NLGN1: variants seen among roughly 807,000 people sequenced by gnomAD.
NLGN1 encodes the protein neuroligin-1.
Under a neutral mutation model 65.5 loss-of-function variants are expected in NLGN1, and 12 were observed. The observed-to-expected ratio is 0.18, with a 90% CI of 0.12 to 0.30. The LOEUF (loss-of-function observed/expected upper bound fraction) is 0.30. Ranked by LOEUF, NLGN1 falls within the 10% of genes least tolerant of loss-of-function variation. The pLI, the probability that NLGN1 is intolerant of heterozygous loss-of-function variation, is 1.00. For missense variants in NLGN1, 750 were observed against 1,007.1 expected (o/e 0.74, Z 3.46); for synonymous variants, 350 against 359.5 (o/e 0.97, Z 0.30).
At chr3:173,860,307 T>G (rs1728810208) in intron 4 of NLGN1, among the ~76,000 whole-genome samples, 1 of 152,194 alleles carries the variant, frequency 6.6e-6, no homozygotes, top group Non-Finnish European at 1.5e-5. Context: ...TTGTGTCTTA[T>G]TTGACCCATA....
chr3:173,740,733 A>G (rs1275156268), intron 3 of NLGN1, among the ~76,000 whole-genome samples: 1 of 152,136 alleles, frequency 6.6e-6, no homozygotes, highest in Non-Finnish European at 1.5e-5. Context: ...ACCATAGTTT[A>G]TAGGCAAGGA....
intron 4 of NLGN1, among the ~76,000 whole-genome samples, chr3:174,259,882 T>C (rs1175212716): frequency 2.2e-5 from 3 of 138,128 alleles, no homozygotes; most frequent in African/African-American, 8.1e-5. Flanking sequence ...CCCCTTCCTG[T>C]GTCCATGTGA....
At chr3:173,675,868 G>GTCTCTCTCTCTCTCTCTCTC (rs10635715) in intron 3 of NLGN1, among the ~76,000 whole-genome samples, 1 of 132,558 alleles carries the variant, frequency 7.5e-6, no homozygotes, top group African/African-American at 2.9e-5. Flanking sequence ...CTCTCTCTTT[G>GTCTCTCTCTCTCTCTCTCTC]TCTCTCTCTC....
At chr3:173,835,411 T>C (rs1429984354) in intron 4 of NLGN1, among the ~76,000 whole-genome samples, 1 of 152,080 alleles carries the variant, frequency 6.6e-6, no homozygotes, top group African/African-American at 2.4e-5. Context: ...GGTGTGATCA[T>C]TGAAATTTGC....
intron 4 of NLGN1, among the ~76,000 whole-genome samples, chr3:174,148,835 G>A (rs1201726449): frequency 2.0e-5 from 3 of 152,132 alleles, no homozygotes; most frequent in Admixed American, 6.6e-5. Flanking sequence ...GTAAAGTAAA[G>A]CATTTATTAC....
chr3:174,165,204 T>C (rs1303765062), intron 4 of NLGN1, among the ~76,000 whole-genome samples: 2 of 152,050 alleles, frequency 1.3e-5, no homozygotes, highest in East Asian at 3.9e-4. Flanking sequence ...TTCTCTTGTC[T>C]GATTCCTCTG....
At chr3:173,491,147 G>A (rs982188532) in intron 2 of NLGN1, among the ~76,000 whole-genome samples, 9 of 151,846 alleles carry the variant, frequency 5.9e-5, no homozygotes, top group African/African-American at 1.7e-4. Flanking sequence ...TAGGAGTGGT[G>A]AGAGAGGGCA....
At chr3:174,183,322 T>C (rs2152749345) in intron 4 of NLGN1, among the ~76,000 whole-genome samples, 1 of 152,284 alleles carries the variant, frequency 6.6e-6, no homozygotes, top group Non-Finnish European at 1.5e-5. Flanking sequence ...TTATCTCTAC[T>C]GATTTCAGTA....
intron 1 of NLGN1, among the ~76,000 whole-genome samples, chr3:173,434,575 A>G (rs1220819715): frequency 6.6e-6 from 1 of 152,186 alleles, no homozygotes; most frequent in Non-Finnish European, 1.5e-5. Context: ...AGTTGGAGAC[A>G]ATTGCACTCT....
At position 174,175,294 on chromosome 3, in the gene NLGN1, C is replaced by T. The variant is rs539095601; in HGVS notation, c.647-100021C>T. 2.0e-5 allele frequency among the ~76,000 whole-genome samples: 3 copies of T among 151,828 alleles called. No homozygotes were observed. In the East Asian group the frequency reaches 5.8e-4, roughly 29 times the overall value. On this transcript the variant is annotated intron_variant, in intron 4 of 6. Transcript: ENST00000457714. ...CTCTCTTCAACTCTAATAATATTTG[C>T]TTTATATATCTGAGTGTTCCAGTGT...
chr3:173,864,746 G>C (rs897648441), intron 4 of NLGN1, among the ~76,000 whole-genome samples: 1 of 152,126 alleles, frequency 6.6e-6, no homozygotes, highest in East Asian at 1.9e-4. Context: ...GAAGGCAGGA[G>C]TCCCCTCCAT....
At chr3:174,223,043 G>C (rs900455535) in intron 4 of NLGN1, among the ~76,000 whole-genome samples, 1 of 152,002 alleles carries the variant, frequency 6.6e-6, no homozygotes, top group Admixed American at 6.5e-5. Flanking sequence ...TGCCACCAGA[G>C]AGGAGGTCAG....
At chr3:173,853,401 C>T (rs1727353920) in intron 4 of NLGN1, among the ~76,000 whole-genome samples, 1 of 152,084 alleles carries the variant, frequency 6.6e-6, no homozygotes, top group Non-Finnish European at 1.5e-5. Context: ...TTATTCAATG[C>T]TCCATTTTAT....
chr3:173,996,147 G>C (rs1288117685), intron 4 of NLGN1, among the ~76,000 whole-genome samples: 1 of 152,114 alleles, frequency 6.6e-6, no homozygotes, highest in Non-Finnish European at 1.5e-5. Context: ...ATTATGAATG[G>C]TGCCAGATAG....
chr3:174,266,584 T>A (rs759938681), intron 4 of NLGN1, among the ~76,000 whole-genome samples: 1 of 152,190 alleles, frequency 6.6e-6, no homozygotes, highest in Non-Finnish European at 1.5e-5. Context: ...GGTAGTGGGA[T>A]TGCTAGGTCA....
chr3:174,190,940 G>A (rs1035213350), intron 4 of NLGN1, among the ~76,000 whole-genome samples: 1 of 151,970 alleles, frequency 6.6e-6, no homozygotes, highest in Non-Finnish European at 1.5e-5. Flanking sequence ...ACTGGGGGCC[G>A]AGATCTCTTA....
chr3:173,645,846 C>A (rs1234147606), intron 3 of NLGN1, among the ~76,000 whole-genome samples: 1 of 152,164 alleles, frequency 6.6e-6, no homozygotes, highest in African/African-American at 2.4e-5. Flanking sequence ...TAATCCCAGC[C>A]CTGTGGCAAA....
chr3:174,256,936 C>G (rs1191086199), intron 4 of NLGN1, among the ~76,000 whole-genome samples: 2 of 152,088 alleles, frequency 1.3e-5, no homozygotes, highest in Non-Finnish European at 2.9e-5. Context: ...TAAAGAGATT[C>G]TGCACAGTAA....
At chr3:173,710,066 A>G (rs1260674719) in intron 3 of NLGN1, among the ~76,000 whole-genome samples, 1 of 152,156 alleles carries the variant, frequency 6.6e-6, no homozygotes, top group Non-Finnish European at 1.5e-5. Context: ...ATGGTGATGG[A>G]CATATCTTTA....
Sources: allele counts gnomAD v4.1 joint callset (sites outside exome capture counted in the v4.1 genomes callset), GRCh38; gene constraint gnomAD v4.1.1; transcripts MANE v1.5; gene names NCBI Gene and HGNC (gene_info 2026-07-23, HGNC 2026-07-21).